Variants in MAML2 observed in about 807,000 individuals in gnomAD.
The protein encoded by MAML2 is mastermind like transcriptional coactivator 2.
A neutral mutation model predicts 96.1 loss-of-function variants in MAML2; 22 were observed. That is an observed-to-expected ratio of 0.23 (90% confidence interval 0.16 to 0.33). The LOEUF (loss-of-function observed/expected upper bound fraction) is 0.33. MAML2 is among the 10% of genes least tolerant of loss of function. The pLI, the probability that MAML2 is intolerant of heterozygous loss-of-function variation, is 1.00. For missense variants in MAML2, 1,367 were observed against 1,392.4 expected, an observed-to-expected ratio of 0.98 and a Z score of 0.29; for synonymous variants, 561 against 521.3, an observed-to-expected ratio of 1.08 and a Z score of -1.04.
chr11:96,125,392 A>G (rs531180971), intron 1 of MAML2, among the ~76,000 whole-genome samples: 1 of 152,156 alleles, frequency 6.6e-6, no homozygotes, highest in East Asian at 1.9e-4. Flanking sequence ...AAGGTGCAGG[A>G]GAGGCATGAG....
At chr11:96,243,987 C>T (rs544339162) in intron 1 of MAML2, among the ~76,000 whole-genome samples, 18 of 152,328 alleles carry the variant, frequency 1.2e-4, no homozygotes, top group African/African-American at 4.3e-4. Context: ...GTCCGCTGGC[C>T]TTCCTCTGCA....
At chr11:96,251,639 T>C (rs559407109) in intron 1 of MAML2, among the ~76,000 whole-genome samples, 1 of 152,302 alleles carries the variant, frequency 6.6e-6, no homozygotes, top group Non-Finnish European at 1.5e-5. Flanking sequence ...TCCCTTTTAA[T>C]TTTCCAAACA....
At chr11:96,218,861 T>A (rs1344877394) in intron 1 of MAML2, among the ~76,000 whole-genome samples, 1 of 152,240 alleles carries the variant, frequency 6.6e-6, no homozygotes, top group Non-Finnish European at 1.5e-5. Flanking sequence ...TGAAAGATAA[T>A]TCATTGTTTA....
Position 96,267,732 on chromosome 11 carries a change from G to A in MAML2, c.513+73651C>T, listed in dbSNP as rs114947127. 7.2e-3 allele frequency among the ~76,000 whole-genome samples: 1,101 copies of A among 152,290 alleles called. 17 individuals carry two copies. Among genetic ancestry groups the A allele is most frequent in the African/African-American group, 0.025 (1,041 of 41,548 alleles). On this transcript the variant is annotated intron_variant, in intron 1 of 4. Transcript: ENST00000524717. The stretch of plus-strand genomic sequence containing the variant: ...TCAATTCCTCCAGTCACTAGTTTCA[G>A]CTAGTCACACTTCAGGCTGAGACTG...
At chr11:96,064,499 A>G (rs1364204265) in intron 2 of MAML2, among the ~76,000 whole-genome samples, 2 of 152,322 alleles carry the variant, frequency 1.3e-5, no homozygotes, top group Non-Finnish European at 2.9e-5. Context: ...GAAGAGCCCA[A>G]ACTTTGGATT....
At position 96,086,359 on chromosome 11, in the gene MAML2, T is replaced by C. The variant is rs191596085; in HGVS notation, c.2139+5533A>G. On this transcript the variant is annotated intron_variant, in intron 2 of 4. Transcript: ENST00000524717. The stretch of plus-strand genomic sequence containing the variant: ...ATTCTTAAATTTGAATGGATGATGT[T>C]AAAGAGAAAGAGAATGAATGAATTT... Among the ~76,000 whole-genome samples the C allele has an allele frequency of 2.6e-4, 39 of 152,316 alleles. 1 individual carries two copies. Among genetic ancestry groups the C allele is most frequent in the African/African-American group, 6.3e-4 (26 of 41,564 alleles).
chr11:96,176,609 G>T (rs948236996), intron 1 of MAML2, among the ~76,000 whole-genome samples: 12 of 152,070 alleles, frequency 7.9e-5, no homozygotes, highest in Admixed American at 3.3e-4. Context: ...GGGCCTATGA[G>T]AAAATGGAAA....
chr11:96,054,931 G>A (rs1230492211), intron 2 of MAML2, among the ~76,000 whole-genome samples: 3 of 152,034 alleles, frequency 2.0e-5, no homozygotes, highest in Admixed American at 2.0e-4. Flanking sequence ...CTCTACCTGG[G>A]GCCTGGGAAG....
intron 1 of MAML2, among the ~76,000 whole-genome samples, chr11:96,208,407 T>C (rs538705560): frequency 6.6e-6 from 1 of 152,372 alleles, no homozygotes; most frequent in East Asian, 1.9e-4. Flanking sequence ...TGTTTTAGCA[T>C]TTCAGCATTG....
At chr11:96,098,186 G>A (rs910848862) in intron 1 of MAML2, among the ~76,000 whole-genome samples, 4 of 152,172 alleles carry the variant, frequency 2.6e-5, no homozygotes, top group African/African-American at 9.7e-5. Context: ...GAGGTTGATG[G>A]TGAAAGTTCA....
chr11:96,326,094 G>GCC lies in MAML2; in HGVS notation c.513+15287_513+15288dup, dbSNP rs113693304. Among the ~76,000 whole-genome samples the GCC allele has an allele frequency of 4.8e-3, 300 of 61,910 alleles. 2 individuals carry two copies. Among genetic ancestry groups the GCC allele is most frequent in the African/African-American group, 0.016 (244 of 15,280 alleles). The allele number at this position is 61,910 out of a possible 152,430, so 40.6% of individuals were successfully genotyped here. ...TGTTTGTTTACTCTCTGTCTACCCC[G>GCC]CCCCCCCCCCATTAAAATGTAAACT... is the stretch of plus-strand genomic sequence containing the variant. On this transcript the variant is annotated intron_variant, in intron 1 of 4. Transcript: ENST00000524717.
At chr11:96,166,177 T>TCTCTCACACACACACACA (rs530578845) in intron 1 of MAML2, among the ~76,000 whole-genome samples, 1 of 110,330 alleles carries the variant, frequency 9.1e-6, no homozygotes, top group Non-Finnish European at 1.9e-5. Flanking sequence ...TCTCTCTCTC[T>TCTCTCACACACACACACA]CACACACACA....
intron 3 of MAML2, among the ~76,000 whole-genome samples, chr11:95,986,127 G>A (rs1405966441): frequency 2.0e-5 from 3 of 152,180 alleles, no homozygotes; most frequent in Non-Finnish European, 4.4e-5. Context: ...GTCCCACACA[G>A]TGGGGAAAGC....
intron 1 of MAML2, among the ~76,000 whole-genome samples, chr11:96,184,300 C>A (rs963031033): frequency 6.6e-6 from 1 of 151,958 alleles, no homozygotes. Flanking sequence ...AATTAGTGGG[C>A]GTGGTGGCAC....
In MAML2 at chr11:96,177,258, C is replaced by T. The variant is rs556906056; in HGVS notation, c.514-83741G>A. Among the ~76,000 whole-genome samples, 5 of 152,276 alleles carry T rather than the reference C, an allele frequency of 3.3e-5. No individual in the cohort carries two copies. In the South Asian group the frequency reaches 8.3e-4, roughly 25 times the overall value. The stretch of plus-strand genomic sequence containing the variant: ...CCCTTTGAGGATTATGAATCATTAC[C>T]TGTATCATGTTATTAAATGGGAAAA... On this transcript the variant is annotated intron_variant, in intron 1 of 4. Coordinates refer to ENST00000524717, the MANE Select transcript of MAML2 (RefSeq NM_032427.4).
At chr11:96,241,607 T>G (rs1221673896) in intron 1 of MAML2, among the ~76,000 whole-genome samples, 2 of 152,254 alleles carry the variant, frequency 1.3e-5, no homozygotes, top group Non-Finnish European at 2.9e-5. Flanking sequence ...TAAGAAACCT[T>G]GCCCTATTGG....
chr11:96,055,575 C>T (rs1859053730), intron 2 of MAML2, among the ~76,000 whole-genome samples: 1 of 152,156 alleles, frequency 6.6e-6, no homozygotes, highest in African/African-American at 2.4e-5. Flanking sequence ...TTAATGACAC[C>T]TTTGCTCCAG....
intron 2 of MAML2, among the ~76,000 whole-genome samples, chr11:96,014,135 C>T (rs528298041): frequency 2.6e-5 from 4 of 152,294 alleles, no homozygotes; most frequent in East Asian, 1.9e-4. Flanking sequence ...GAGCCACTTC[C>T]CCATCTCACA....
intron 2 of MAML2, among the ~76,000 whole-genome samples, chr11:96,043,075 C>T (rs1159059045): frequency 6.6e-6 from 1 of 152,122 alleles, no homozygotes; most frequent in East Asian, 1.9e-4. Context: ...TGGGTACCAC[C>T]TTTAATTTAG....
Sources: gnomAD v4.1 joint callset for allele counts (sites outside exome capture counted in the v4.1 genomes callset) on GRCh38, gnomAD v4.1.1 for gene constraint, MANE v1.5 for transcripts, NCBI Gene and HGNC (gene_info 2026-07-23, HGNC 2026-07-21) for gene names.